Variants in AGMO observed in about 807,000 individuals in gnomAD.
AGMO encodes the protein glyceryl-ether monooxygenase.
Under a neutral mutation model 60.2 loss-of-function variants are expected in AGMO, and 75 were observed. The observed-to-expected ratio is 1.25, with a 90% CI of 1.03 to 1.51. AGMO has a LOEUF of 1.51. Ranked by LOEUF, AGMO falls within the 40% of genes most tolerant of loss-of-function variation. The pLI is 0.00. For synonymous variants in AGMO, 261 were observed against 177.1 expected (o/e 1.47, Z -3.76); for missense variants, 763 against 525.5 (o/e 1.45, Z -4.42).
intron 10 of AGMO, among the ~76,000 whole-genome samples, chr7:15,374,432 T>G (rs190010178): frequency 2.2e-4 from 34 of 152,188 alleles, no homozygotes; most frequent in African/African-American, 8.2e-4. Flanking sequence ...CATCAGTTTC[T>G]ACAAAAAATT....
At chr7:15,550,321 C>G (rs1056706379) in intron 2 of AGMO, among the ~76,000 whole-genome samples, 2 of 151,906 alleles carry the variant, frequency 1.3e-5, no homozygotes, top group Non-Finnish European at 2.9e-5. Context: ...AAAATCAGAG[C>G]AGAACTGAAG....
intron 10 of AGMO, among the ~76,000 whole-genome samples, chr7:15,371,593 C>T (rs1233397515): frequency 6.6e-6 from 1 of 152,110 alleles, no homozygotes; most frequent in Non-Finnish European, 1.5e-5. Context: ...GATGGGGTTT[C>T]ACCATGTTGA....
At chr7:15,519,897 G>C (rs946013979) in intron 3 of AGMO, among the ~76,000 whole-genome samples, 8 of 149,732 alleles carry the variant, frequency 5.3e-5, no homozygotes, top group African/African-American at 1.7e-4. Flanking sequence ...TTGGTGTGCT[G>C]TATTCAGGAG....
chr7:15,550,271 G>A (rs1784910516), intron 2 of AGMO, among the ~76,000 whole-genome samples: 2 of 151,542 alleles, frequency 1.3e-5, no homozygotes, highest in Admixed American at 1.3e-4. Flanking sequence ...AAAAGCAAGA[G>A]CAAACACATT....
chr7:15,378,734 G>C (rs1583479631), intron 10 of AGMO, among the ~76,000 whole-genome samples: 1 of 106,780 alleles, frequency 9.4e-6, no homozygotes, highest in East Asian at 4.1e-4. Context: ...AGTTCTGGGT[G>C]GCAAAATTCT....
chr7:15,196,622 C>T (rs868187971), downstream of AGMO, among the ~76,000 whole-genome samples: 1 of 152,186 alleles, frequency 6.6e-6, no homozygotes, highest in Non-Finnish European at 1.5e-5. Context: ...ACCTTTGGCA[C>T]GTCCTCAGTC....
chr7:15,153,531 T>C, the AGMO span, among the ~76,000 whole-genome samples: 1 of 152,162 alleles, frequency 6.6e-6, no homozygotes, highest in Non-Finnish European at 1.5e-5. Flanking sequence ...AGGTAAGAGA[T>C]ACGGATCCAG....
At chr7:15,194,059 TTAC>T in the AGMO span, among the ~76,000 whole-genome samples, 4 of 152,324 alleles carry the variant, frequency 2.6e-5, no homozygotes, top group Admixed American at 2.6e-4. Context: ...CTGCTTTGTA[TTAC>T]TACACTTATC....
chr7:15,509,467 A>C (rs911605402), intron 3 of AGMO, among the ~76,000 whole-genome samples: 1 of 152,120 alleles, frequency 6.6e-6, no homozygotes, highest in Non-Finnish European at 1.5e-5. Flanking sequence ...TAAGACTTGA[A>C]ACTGTAAAAA....
chr7:15,192,837 G>C, the AGMO span, among the ~76,000 whole-genome samples: 6 of 152,230 alleles, frequency 3.9e-5, no homozygotes, highest in East Asian at 5.8e-4. Context: ...CACCCCTGTC[G>C]TAAGTCCCAT....
intron 12 of AGMO, among the ~76,000 whole-genome samples, chr7:15,225,685 T>C (rs994335363): frequency 2.0e-5 from 3 of 151,986 alleles, no homozygotes; most frequent in Non-Finnish European, 2.9e-5. Context: ...TGATTGTTAC[T>C]CATGGCAGAA....
the AGMO span, among the ~76,000 whole-genome samples, chr7:15,142,134 C>T: frequency 6.6e-6 from 1 of 152,158 alleles, no homozygotes; most frequent in Non-Finnish European, 1.5e-5. Flanking sequence ...TTTATTCACA[C>T]CGCATTTTGC....
chr7:15,126,972 C>G, the AGMO span, among the ~76,000 whole-genome samples: 1 of 152,118 alleles, frequency 6.6e-6, no homozygotes, highest in African/African-American at 2.4e-5. Context: ...CCAAACATTT[C>G]CTTTCTATTG....
the AGMO span, among the ~76,000 whole-genome samples, chr7:15,191,200 GGAAA>G: frequency 6.6e-6 from 1 of 151,882 alleles, no homozygotes; most frequent in Non-Finnish European, 1.5e-5. Context: ...TTATAGAGTG[GGAAA>G]GAAAATTTTA....
intron 12 of AGMO, among the ~76,000 whole-genome samples, chr7:15,363,704 A>G (rs1327093404): frequency 3.3e-5 from 5 of 152,144 alleles, no homozygotes; most frequent in African/African-American, 9.7e-5. Context: ...TCTCATCATC[A>G]AAGAATACCA....
At chr7:15,356,735 A>C (rs573242476) in intron 12 of AGMO, among the ~76,000 whole-genome samples, 2 of 151,868 alleles carry the variant, frequency 1.3e-5, no homozygotes, top group Non-Finnish European at 2.9e-5. Context: ...CTCAAATGCT[A>C]TATGAAAAAA....
At chr7:15,280,465 G>A (rs897677359) in intron 12 of AGMO, among the ~76,000 whole-genome samples, 2 of 152,192 alleles carry the variant, frequency 1.3e-5, no homozygotes, top group African/African-American at 2.4e-5. Context: ...AAGCCAGAGT[G>A]CAGGCCTGCC....
chr7:15,346,625 A>T (rs563673112), intron 12 of AGMO, among the ~76,000 whole-genome samples: 1 of 151,656 alleles, frequency 6.6e-6, no homozygotes, highest in East Asian at 1.9e-4. Flanking sequence ...AGTAAAAAAA[A>T]AAAATACCAT....
chr7:15,251,517 A>G (rs1223822664), intron 12 of AGMO, among the ~76,000 whole-genome samples: 4 of 152,192 alleles, frequency 2.6e-5, no homozygotes, highest in African/African-American at 9.6e-5. Flanking sequence ...ACTGGAAACA[A>G]AACTGTCAGA....
Sources: gnomAD v4.1 joint callset for allele counts (sites outside exome capture counted in the v4.1 genomes callset) on GRCh38, gnomAD v4.1.1 for gene constraint, MANE v1.5 for transcripts, NCBI Gene and HGNC (gene_info 2026-07-23, HGNC 2026-07-21) for gene names.